The following NFIB variants were observed in gnomAD, a reference collection of about 807,000 sequenced individuals.
NFIB encodes nuclear factor I B, also known as nuclear factor 1 B-type.
In NFIB, 11 loss-of-function variants were observed where a neutral mutation model predicts 61.5. That is an observed-to-expected ratio of 0.18 (90% CI 0.11 to 0.30). The LOEUF (loss-of-function observed/expected upper bound fraction) is 0.30. NFIB is among the 10% of genes least tolerant of loss of function. NFIB has a pLI of 1.00. For missense variants in NFIB, 471 were observed against 608.9 expected, an observed-to-expected ratio of 0.77 and a Z score of 2.38; for synonymous variants, 260 against 216.5, an observed-to-expected ratio of 1.20 and a Z score of -1.76.
At chr9:14,469,319 TG>T in the NFIB span, among the ~76,000 whole-genome samples, 1 of 152,198 alleles carries the variant, frequency 6.6e-6, no homozygotes, top group African/African-American at 2.4e-5. Context: ...ATGATCATTG[TG>T]GGTTTCACAA....
chr9:14,513,693 A>G, the NFIB span, among the ~76,000 whole-genome samples: 1 of 151,908 alleles, frequency 6.6e-6, no homozygotes, highest in Non-Finnish European at 1.5e-5. Flanking sequence ...GAAAAGCTAT[A>G]GTTTTTTTTC....
chr9:14,123,175 T>C (rs930011008), intron 7 of NFIB, among the ~76,000 whole-genome samples: 1 of 150,836 alleles, frequency 6.6e-6, no homozygotes, highest in African/African-American at 2.4e-5. Context: ...GAGAATTGCT[T>C]GAACCTGGGA....
intron 2 of NFIB, among the ~76,000 whole-genome samples, chr9:14,268,405 C>T (rs145014752): frequency 8.5e-5 from 13 of 152,232 alleles, no homozygotes; most frequent in African/African-American, 2.9e-4. Flanking sequence ...AACTCTCCTC[C>T]ACTTCGCCTA....
intron 2 of NFIB, among the ~76,000 whole-genome samples, chr9:14,251,587 T>C (rs1470293900): frequency 6.6e-6 from 1 of 152,200 alleles, no homozygotes; most frequent in African/African-American, 2.4e-5. Flanking sequence ...TTACTGCAAG[T>C]GGTATCGGTG....
At chr9:14,274,290 A>ACACACACG (rs1436798245) in intron 2 of NFIB, among the ~76,000 whole-genome samples, 2 of 151,068 alleles carry the variant, frequency 1.3e-5, no homozygotes, top group East Asian at 3.9e-4. Context: ...ACACACACAC[A>ACACACACG]CGAAGACATC....
chr9:14,212,427 G>C (rs1014637934), intron 2 of NFIB, among the ~76,000 whole-genome samples: 2 of 152,208 alleles, frequency 1.3e-5, no homozygotes, highest in African/African-American at 4.8e-5. Context: ...CTAAAGTACA[G>C]TACACCATGT....
chr9:14,380,193 A>G (rs1482883102), intron 1 of NFIB, among the ~76,000 whole-genome samples: 1 of 152,224 alleles, frequency 6.6e-6, no homozygotes, highest in Non-Finnish European at 1.5e-5. Context: ...AGGCAGCACC[A>G]CAAAAACTCC....
chr9:14,470,006 C>G, the NFIB span, among the ~76,000 whole-genome samples: 4 of 152,156 alleles, frequency 2.6e-5, no homozygotes, highest in African/African-American at 7.2e-5. Context: ...GAGATTCACA[C>G]GGGGATGCAA....
At chr9:14,157,364 C>G (rs1194973278) in intron 3 of NFIB, among the ~76,000 whole-genome samples, 1 of 152,164 alleles carries the variant, frequency 6.6e-6, no homozygotes, top group East Asian at 1.9e-4. Flanking sequence ...ATGTGTTTCA[C>G]TGCTGTGAAC....
chr9:14,494,488 T>A, the NFIB span, among the ~76,000 whole-genome samples: 1 of 152,218 alleles, frequency 6.6e-6, no homozygotes, highest in Non-Finnish European at 1.5e-5. Flanking sequence ...AGGTCCTTCT[T>A]AGCCTGGACT....
intron 6 of NFIB, among the ~76,000 whole-genome samples, chr9:14,138,683 T>C (rs1563824901): frequency 6.6e-6 from 1 of 152,162 alleles, no homozygotes; most frequent in Non-Finnish European, 1.5e-5. Context: ...AAAGTGTTAA[T>C]AACAGTTGAA....
At chr9:14,509,521 A>G in the NFIB span, among the ~76,000 whole-genome samples, 3 of 152,322 alleles carry the variant, frequency 2.0e-5, no homozygotes, top group East Asian at 5.8e-4. Context: ...ATTTTTATCA[A>G]CATCATACTA....
intron 2 of NFIB, among the ~76,000 whole-genome samples, chr9:14,234,060 G>GAGCTAACTT (rs1485987176): frequency 6.6e-6 from 1 of 152,186 alleles, no homozygotes; most frequent in African/African-American, 2.4e-5. Context: ...AGGAGACTTA[G>GAGCTAACTT]AGCTAACTTC....
At chr9:14,146,224 A>G (rs989031128) in intron 6 of NFIB, among the ~76,000 whole-genome samples, 7 of 152,140 alleles carry the variant, frequency 4.6e-5, no homozygotes, top group Non-Finnish European at 7.4e-5. Flanking sequence ...CTTACATTAC[A>G]CTTTTCTTTA....
At chr9:14,220,848 CACA>C (rs2051562939) in intron 2 of NFIB, among the ~76,000 whole-genome samples, 3 of 106,876 alleles carry the variant, frequency 2.8e-5, no homozygotes, top group East Asian at 5.6e-4. Context: ...TCCCTACACA[CACA>C]CACACACACA....
chr9:14,509,008 C>T, the NFIB span, among the ~76,000 whole-genome samples: 4 of 152,202 alleles, frequency 2.6e-5, no homozygotes, highest in Non-Finnish European at 5.9e-5. Context: ...CATAGACGTA[C>T]TGACCCCAGG....
chr9:14,340,040 C>T (rs1406856882), intron 1 of NFIB, among the ~76,000 whole-genome samples: 1 of 152,098 alleles, frequency 6.6e-6, no homozygotes, highest in Non-Finnish European at 1.5e-5. Context: ...AGACTGAGGC[C>T]CAAAGAGGTC....
At position 14,140,685 on chromosome 9, in the gene NFIB, T is replaced by C. The variant is rs1330302341; in HGVS notation, c.925+6004A>G. On this transcript the variant is annotated intron_variant, in intron 6 of 10. Coordinates refer to ENST00000380953, the MANE Select transcript of NFIB (RefSeq NM_001190737.2). ...GTGGTGCCTCACACCTGCAATCCCA[T>C]CACTTTGGGAGGCCCAGGTAGGAGG... is the stretch of plus-strand genomic sequence containing the variant. Among the ~76,000 whole-genome samples, 4 of 152,128 alleles carry C rather than the reference T, an allele frequency of 2.6e-5. No homozygotes were observed. In the East Asian group the frequency reaches 5.8e-4, roughly 22 times the overall value.
chr9:14,104,630 G>C (rs2036284728), intron 10 of NFIB, among the ~76,000 whole-genome samples: 1 of 151,790 alleles, frequency 6.6e-6, no homozygotes, highest in Non-Finnish European at 1.5e-5. Context: ...GCCCATGCTG[G>C]AGTTCACTGG....
Sources: gnomAD v4.1 joint callset for allele counts (sites outside exome capture counted in the v4.1 genomes callset) on GRCh38, gnomAD v4.1.1 for gene constraint, MANE v1.5 for transcripts, NCBI Gene and HGNC (gene_info 2026-07-23, HGNC 2026-07-21) for gene names.